KCNAB1: variants seen among roughly 807,000 people sequenced by gnomAD.
The protein encoded by KCNAB1 is potassium voltage-gated channel subfamily A regulatory beta subunit 1, also known as voltage-gated potassium channel subunit beta-1.
Under a neutral mutation model 64.6 loss-of-function variants are expected in KCNAB1, and 35 were observed. The ratio of observed to expected loss-of-function variants is 0.54; its 90% CI spans 0.41 to 0.72. KCNAB1 has a LOEUF of 0.72. KCNAB1 is among the 30% of genes least tolerant of loss of function. The probability of loss-of-function intolerance (pLI) is 0.00; values close to 1 mark genes in which losing one functional copy is unlikely to be tolerated. For missense variants in KCNAB1, 401 were observed against 512.9 expected (o/e 0.78, Z 2.11); for synonymous variants, 177 against 183.8 (o/e 0.96, Z 0.30).
At chr3:156,407,794 T>C (rs1321509175) in intron 1 of KCNAB1, among the ~76,000 whole-genome samples, 1 of 152,238 alleles carries the variant, frequency 6.6e-6, no homozygotes, top group East Asian at 1.9e-4. Flanking sequence ...TTGCTCTTCC[T>C]ATCTGCAATC....
At chr3:156,488,910 C>T (rs923121281) in intron 8 of KCNAB1, among the ~76,000 whole-genome samples, 12 of 151,984 alleles carry the variant, frequency 7.9e-5, no homozygotes, top group Non-Finnish European at 1.2e-4. Flanking sequence ...TAGATATGAG[C>T]GTGACTGAAA....
At chr3:156,205,391 C>A (rs1714592256) in intron 1 of KCNAB1, among the ~76,000 whole-genome samples, 1 of 152,066 alleles carries the variant, frequency 6.6e-6, no homozygotes, top group Non-Finnish European at 1.5e-5. Context: ...TTCCACTTTG[C>A]TTTGCATGTG....
At chr3:156,167,083 A>G (rs2108318907) in intron 1 of KCNAB1, among the ~76,000 whole-genome samples, 1 of 152,276 alleles carries the variant, frequency 6.6e-6, no homozygotes, top group South Asian at 2.1e-4. Flanking sequence ...GACCCCAGGG[A>G]TGTGCCCAGC....
intron 1 of KCNAB1, chr3:156,382,054 T>C (rs747254781): frequency 2.0e-5 from 3 of 152,088 alleles, no homozygotes; most frequent in Non-Finnish European, 2.9e-5. Flanking sequence ...CTAGGTACAA[T>C]AGGGCCACAC....
intron 1 of KCNAB1, among the ~76,000 whole-genome samples, chr3:156,268,307 A>G (rs1357013693): frequency 6.6e-6 from 1 of 152,108 alleles, no homozygotes; most frequent in Non-Finnish European, 1.5e-5. Context: ...AATCTTGACT[A>G]TTGTGAATAG....
chr3:156,530,546 G>A (rs959445155), intron 12 of KCNAB1, among the ~76,000 whole-genome samples: 9 of 152,278 alleles, frequency 5.9e-5, no homozygotes, highest in Middle Eastern at 6.8e-3. Flanking sequence ...GAGGGAAGAC[G>A]TGAACGCATA....
chr3:156,395,611 A>G lies in KCNAB1; in HGVS notation c.276-26005A>G, dbSNP rs1013861956. On this transcript the variant is annotated intron_variant, in intron 1 of 13. Coordinates refer to ENST00000490337, the MANE Select transcript of KCNAB1 (RefSeq NM_172160.3). Reference sequence around the variant, plus strand: ...TCAGACATTGTTATTTGTGAAGGCCATTGGTTCCAACGTACTGTTTTCAAA... The same window carrying G: ...TCAGACATTGTTATTTGTGAAGGCCGTTGGTTCCAACGTACTGTTTTCAAA... Among the ~76,000 whole-genome samples, 5 of 144,838 alleles carry G rather than the reference A, an allele frequency of 3.5e-5. No individual in the cohort carries two copies. In the South Asian group the frequency reaches 6.7e-4, roughly 20 times the overall value.
At chr3:156,279,497 G>A (rs1178357572) in intron 1 of KCNAB1, among the ~76,000 whole-genome samples, 1 of 152,162 alleles carries the variant, frequency 6.6e-6, no homozygotes, top group African/African-American at 2.4e-5. Flanking sequence ...TGGGATGGCT[G>A]GGTCAAATGG....
chr3:156,376,945 T>G (rs908802333), intron 1 of KCNAB1, among the ~76,000 whole-genome samples: 1 of 152,236 alleles, frequency 6.6e-6, no homozygotes, highest in Non-Finnish European at 1.5e-5. Flanking sequence ...CTTTTCCCAT[T>G]TAGGAGTGGG....
chr3:156,120,981 T>A, intron 1 of KCNAB1, 95 bp downstream of exon 1: 1 of 1,435,434 alleles, frequency 7.0e-7, no homozygotes, highest in Non-Finnish European at 9.4e-7. Flanking sequence ...GCTGGAAGTC[T>A]TAACGGCTCT....
intron 1 of KCNAB1, among the ~76,000 whole-genome samples, chr3:156,236,364 T>G (rs1716850395): frequency 6.6e-6 from 1 of 152,126 alleles, no homozygotes; most frequent in Non-Finnish European, 1.5e-5. Flanking sequence ...TCGCATCACC[T>G]GGGGGAGATT....
At position 156,537,071 on chromosome 3, in the gene KCNAB1, A is replaced by C; in HGVS notation, c.*324A>C. 1 of 420,776 alleles carries C rather than the reference A, an allele frequency of 2.4e-6. No homozygotes were observed. Among genetic ancestry groups the C allele is most frequent in the Non-Finnish European group, 4.2e-6 (1 of 239,556 alleles). 26.1% of individuals were successfully genotyped at this position (420,776 alleles called of 1,614,324 possible). A position where few individuals can be genotyped will look rare whatever the true frequency, so the allele number is the denominator to read the frequency against. On this transcript the variant is annotated 3_prime_UTR_variant, in exon 14 of 14. Transcript: ENST00000490337. ...CCTTCAGGCATTTGGTAACTCAAAG[A>C]AGGCTGTACAGATATATTTTTTCAA...
At chr3:156,274,485 G>T (rs1421629685) in intron 1 of KCNAB1, among the ~76,000 whole-genome samples, 1 of 151,942 alleles carries the variant, frequency 6.6e-6, no homozygotes, top group Non-Finnish European at 1.5e-5. Flanking sequence ...AGAAAATACA[G>T]TACTTGGAGC....
chr3:156,255,132 A>G (rs1397285749), intron 1 of KCNAB1, among the ~76,000 whole-genome samples: 2 of 152,184 alleles, frequency 1.3e-5, no homozygotes, highest in African/African-American at 4.8e-5. Flanking sequence ...TATCTGTCCC[A>G]GTGTGACTAT....
At chr3:156,435,851 T>C (rs921707094) in intron 2 of KCNAB1, among the ~76,000 whole-genome samples, 2 of 152,226 alleles carry the variant, frequency 1.3e-5, no homozygotes, top group African/African-American at 4.8e-5. Flanking sequence ...GCAGCATTGC[T>C]ATCTTGTTGT....
At chr3:156,463,497 C>T in intron 5 of KCNAB1, among the ~76,000 whole-genome samples, 1 of 152,166 alleles carries the variant, frequency 6.6e-6, no homozygotes, top group East Asian at 1.9e-4. Context: ...CAGCCTCTTC[C>T]TCTAGGATCC....
chr3:156,186,659 A>G (rs902720676), intron 1 of KCNAB1, among the ~76,000 whole-genome samples: 1 of 151,142 alleles, frequency 6.6e-6, no homozygotes, highest in Non-Finnish European at 1.5e-5. Flanking sequence ...TCAACCTCTT[A>G]CCTCCTTGCA....
chr3:156,250,162 A>G (rs1161697594), intron 1 of KCNAB1, among the ~76,000 whole-genome samples: 1 of 152,180 alleles, frequency 6.6e-6, no homozygotes, highest in African/African-American at 2.4e-5. Flanking sequence ...TTGACATTGT[A>G]GGAGACAGGA....
chr3:156,528,059 G>C (rs1294041972), intron 12 of KCNAB1, among the ~76,000 whole-genome samples: 1 of 152,064 alleles, frequency 6.6e-6, no homozygotes, highest in Non-Finnish European at 1.5e-5. Context: ...AGCTGTTGGT[G>C]ACCTCGAGTA....
Sources: gnomAD v4.1 joint callset for allele counts (sites outside exome capture counted in the v4.1 genomes callset) on GRCh38, gnomAD v4.1.1 for gene constraint, MANE v1.5 for transcripts, NCBI Gene and HGNC (gene_info 2026-07-23, HGNC 2026-07-21) for gene names.